GRID1: variants seen among roughly 807,000 people sequenced by gnomAD.
The protein encoded by GRID1 is glutamate ionotropic receptor delta type subunit 1.
In GRID1, 28 loss-of-function variants were observed where a neutral mutation model predicts 98.0. That is an observed-to-expected ratio of 0.29 (90% CI 0.21 to 0.39). The LOEUF is 0.39. GRID1 is among the 10% of genes least tolerant of loss of function. The pLI is 1.00. For missense variants in GRID1, 1,111 were observed against 1,340.5 expected, an observed-to-expected ratio of 0.83 and a Z score of 2.67; for synonymous variants, 553 against 538.5, an observed-to-expected ratio of 1.03 and a Z score of -0.37.
chr10:86,193,324 C>T (rs974191261), intron 3 of GRID1, among the ~76,000 whole-genome samples: 1 of 152,140 alleles, frequency 6.6e-6, no homozygotes, highest in African/African-American at 2.4e-5. Flanking sequence ...GTGTGCCTGG[C>T]ACAGAGTAAC....
intron 4 of GRID1, among the ~76,000 whole-genome samples, chr10:85,999,768 C>T (rs1023046267): frequency 3.3e-5 from 5 of 152,180 alleles, no homozygotes; most frequent in African/African-American, 9.6e-5. Context: ...CAAAATGCAG[C>T]TTTCTTTCAC....
chr10:86,094,830 G>GA (rs35843077), intron 4 of GRID1, among the ~76,000 whole-genome samples: 12,596 of 133,522 alleles, frequency 0.094, 586 homozygotes, highest in Middle Eastern at 0.18. Context: ...CACAGAATTA[G>GA]AAAAAAAAAA....
intron 5 of GRID1, among the ~76,000 whole-genome samples, chr10:85,887,810 T>A (rs1032573778): frequency 1.3e-5 from 2 of 152,184 alleles, no homozygotes; most frequent in Non-Finnish European, 2.9e-5. Context: ...ATACAATGTG[T>A]CTAGCCCGAA....
At chr10:85,637,172 A>T (rs889783195) in intron 13 of GRID1, among the ~76,000 whole-genome samples, 1 of 152,220 alleles carries the variant, frequency 6.6e-6, no homozygotes, top group African/African-American at 2.4e-5. Context: ...ATAATTATAT[A>T]AAACGTTTGT....
At chr10:86,212,467 C>G (rs571692248) in intron 2 of GRID1, among the ~76,000 whole-genome samples, 2 of 152,348 alleles carry the variant, frequency 1.3e-5, no homozygotes, top group East Asian at 1.9e-4. Context: ...TCAGAGGAAC[C>G]CAGCAAGGCT....
intron 5 of GRID1, among the ~76,000 whole-genome samples, chr10:85,881,107 C>T (rs558100572): frequency 6.6e-6 from 1 of 152,142 alleles, no homozygotes; most frequent in South Asian, 2.1e-4. Flanking sequence ...CAAACCACTG[C>T]TCAATGAAAT....
intron 2 of GRID1, among the ~76,000 whole-genome samples, chr10:86,279,274 T>C (rs1847320212): frequency 6.6e-6 from 1 of 152,174 alleles, no homozygotes; most frequent in Admixed American, 6.5e-5. Flanking sequence ...TCCAGAACTG[T>C]AAGAAATCAA....
At chr10:85,623,985 C>T (rs1347991106) in intron 13 of GRID1, among the ~76,000 whole-genome samples, 4 of 152,304 alleles carry the variant, frequency 2.6e-5, no homozygotes, top group East Asian at 3.9e-4. Context: ...AGTCCCTTGA[C>T]CAAGTGTCAC....
At chr10:86,272,217 A>C (rs1847196142) in intron 2 of GRID1, among the ~76,000 whole-genome samples, 1 of 152,212 alleles carries the variant, frequency 6.6e-6, no homozygotes, top group South Asian at 2.1e-4. Context: ...ACGGCAGAGT[A>C]GACAGCTCCA....
chr10:85,900,732 A>G (rs1841369579), intron 5 of GRID1, among the ~76,000 whole-genome samples: 1 of 152,172 alleles, frequency 6.6e-6, no homozygotes, highest in African/African-American at 2.4e-5. Context: ...CTCATCCATG[A>G]CACTCTAAGC....
Position 85,673,678 on chromosome 10 carries a change from A to G in GRID1, c.1998-26281T>C, listed in dbSNP as rs145656247. ...AAAGTATGTATATTTTTTAGACATA[A>G]TGCTATTGAATACTTAATAGACTAC... is the stretch of plus-strand genomic sequence containing the variant. On this transcript the variant is annotated intron_variant, in intron 12 of 15. Coordinates refer to ENST00000327946, the MANE Select transcript of GRID1 (RefSeq NM_017551.3). Among the ~76,000 whole-genome samples, 651 of 152,328 alleles carry G rather than the reference A, an allele frequency of 4.3e-3. 5 individuals are homozygous for G. Among genetic ancestry groups the G allele is most frequent in the African/African-American group, 0.014 (575 of 41,568 alleles).
chr10:85,880,677 GC>G (rs1408258500), intron 5 of GRID1, among the ~76,000 whole-genome samples: 2 of 151,670 alleles, frequency 1.3e-5, no homozygotes, highest in African/African-American at 4.9e-5. Flanking sequence ...TACTGAATGG[GC>G]AAAAACTGGA....
At chr10:86,033,122 C>T (rs889313337) in intron 4 of GRID1, among the ~76,000 whole-genome samples, 1 of 151,936 alleles carries the variant, frequency 6.6e-6, no homozygotes, top group African/African-American at 2.4e-5. Flanking sequence ...AGCTTTGTGG[C>T]CTTTGCTCTT....
At chr10:86,193,077 G>A (rs757181692) in intron 3 of GRID1, among the ~76,000 whole-genome samples, 1 of 152,006 alleles carries the variant, frequency 6.6e-6, no homozygotes, top group Non-Finnish European at 1.5e-5. Flanking sequence ...CTCCTAACTT[G>A]GGGCCTCAGG....
chr10:86,357,753 G>A (rs78347864), intron 2 of GRID1, among the ~76,000 whole-genome samples: 1,596 of 152,328 alleles, frequency 0.01, 28 homozygotes, highest in African/African-American at 0.036. Context: ...GCACGGGCTT[G>A]TGGGGAATCC....
intron 8 of GRID1, among the ~76,000 whole-genome samples, chr10:85,741,319 A>C (rs1376616173): frequency 6.6e-6 from 1 of 152,128 alleles, no homozygotes; most frequent in Non-Finnish European, 1.5e-5. Context: ...TTTGTGTTGG[A>C]AACTTACTTT....
chr10:86,315,333 C>G (rs909474942), intron 2 of GRID1, among the ~76,000 whole-genome samples: 8 of 152,180 alleles, frequency 5.3e-5, no homozygotes, highest in African/African-American at 1.9e-4. Context: ...TAGCCACACG[C>G]CAGCCAGCAC....
chr10:86,361,591 G>A (rs1476630854), intron 2 of GRID1, among the ~76,000 whole-genome samples: 1 of 152,156 alleles, frequency 6.6e-6, no homozygotes, highest in African/African-American at 2.4e-5. Flanking sequence ...AAGGCCCCTG[G>A]GTGGAACCTT....
intron 2 of GRID1, among the ~76,000 whole-genome samples, chr10:86,333,624 C>T (rs1004266113): frequency 3.3e-5 from 5 of 152,208 alleles, no homozygotes; most frequent in Non-Finnish European, 7.3e-5. Flanking sequence ...TACTAATAAC[C>T]CACTGTTGAC....
Sources: allele counts gnomAD v4.1 joint callset (sites outside exome capture counted in the v4.1 genomes callset), GRCh38; gene constraint gnomAD v4.1.1; transcripts MANE v1.5; gene names NCBI Gene and HGNC (gene_info 2026-07-23, HGNC 2026-07-21).